Variants in MAPKAP1 observed in about 807,000 individuals in gnomAD.
MAPKAP1 encodes target of rapamycin complex 2 subunit MAPKAP1.
MAPKAP1 carries 20 observed loss-of-function variants against 65.7 expected under a neutral mutation model. The observed-to-expected ratio is 0.30, with a 90% CI of 0.21 to 0.44. The LOEUF (loss-of-function observed/expected upper bound fraction) is 0.44. Among genes scored for constraint, MAPKAP1 ranks in the 20% least tolerant of loss-of-function variants. MAPKAP1 has a pLI of 1.00. For missense variants in MAPKAP1, 423 were observed against 648.0 expected (o/e 0.65, Z 3.77); for synonymous variants, 222 against 244.3 (o/e 0.91, Z 0.85).
intron 1 of MAPKAP1, among the ~76,000 whole-genome samples, chr9:125,694,803 AG>A (rs533004717): frequency 7.9e-4 from 121 of 152,348 alleles, no homozygotes; most frequent in Admixed American, 2.4e-3. Flanking sequence ...TGACTATCTA[AG>A]GAAGTCTAAA....
chr9:125,531,730 C>T (rs575261773), intron 7 of MAPKAP1, among the ~76,000 whole-genome samples: 57 of 152,060 alleles, frequency 3.7e-4, no homozygotes, highest in African/African-American at 1.3e-3. Flanking sequence ...ACCCATATAC[C>T]CATCACCTAG....
chr9:125,657,840 A>G (rs765461962), intron 3 of MAPKAP1, 41 bp from the exon 4 acceptor site: 4 of 1,594,382 alleles, frequency 2.5e-6, no homozygotes, highest in South Asian at 1.1e-5. Flanking sequence ...GTGATTACAC[A>G]GAGACAACTT....
At chr9:125,599,178 G>A (rs1453445576) in intron 4 of MAPKAP1, among the ~76,000 whole-genome samples, 1 of 151,738 alleles carries the variant, frequency 6.6e-6, no homozygotes, top group Non-Finnish European at 1.5e-5. Context: ...AAATATTGCT[G>A]TTCATAGACT....
intron 4 of MAPKAP1, among the ~76,000 whole-genome samples, chr9:125,621,797 A>G (rs147572562): frequency 8.5e-5 from 13 of 152,366 alleles, no homozygotes; most frequent in African/African-American, 2.6e-4. Flanking sequence ...ACTATTTAAT[A>G]ATTTGAACAT....
intron 7 of MAPKAP1, among the ~76,000 whole-genome samples, chr9:125,525,019 C>T (rs1342753249): frequency 1.3e-5 from 2 of 152,238 alleles, no homozygotes; most frequent in Non-Finnish European, 2.9e-5. Flanking sequence ...GCTGCGCAGA[C>T]AGATGCACAC....
chr9:125,439,982 C>T lies in MAPKAP1; in HGVS notation c.1444-970G>A, dbSNP rs1191095187. Among the ~76,000 whole-genome samples, 3 of 152,206 alleles carry T rather than the reference C, an allele frequency of 2.0e-5. No homozygotes were observed. The highest frequency in any genetic ancestry group is 4.4e-5 in the Non-Finnish European group (3 of 68,012). On this transcript the variant is annotated intron_variant, in intron 11 of 11. Coordinates refer to ENST00000265960, the MANE Select transcript of MAPKAP1 (RefSeq NM_001006617.3). The surrounding 1 kb of genome is among the most constrained non-coding windows in gnomAD (Gnocchi z 4.0). ...TACACAGGAGTTTTTGAGTGCGCAA[C>T]GGGGAGGAGAGACGCAGCATGCATC...
At chr9:125,472,730 G>A (rs944263958) in intron 9 of MAPKAP1, among the ~76,000 whole-genome samples, 9 of 152,256 alleles carry the variant, frequency 5.9e-5, no homozygotes, top group African/African-American at 2.2e-4. Context: ...ACCACGAAAA[G>A]TTTTGACTAG....
At chr9:125,543,245 A>G (rs1830308326) in intron 6 of MAPKAP1, 77 bp from the exon 7 acceptor site, 1 of 1,092,152 alleles carries the variant, frequency 9.2e-7, no homozygotes, top group South Asian at 1.3e-5. Context: ...ACTGTGTTTA[A>G]GCAAGTTTTT....
At chr9:125,639,546 C>T (rs965015595) in intron 4 of MAPKAP1, among the ~76,000 whole-genome samples, 3 of 152,164 alleles carry the variant, frequency 2.0e-5, no homozygotes, top group Admixed American at 6.5e-5. Flanking sequence ...CCCTCCGTCC[C>T]ACCTAATACC....
At chr9:125,654,847 C>T (rs955842746) in intron 4 of MAPKAP1, among the ~76,000 whole-genome samples, 3 of 152,156 alleles carry the variant, frequency 2.0e-5, no homozygotes, top group Admixed American at 2.0e-4. Flanking sequence ...AGATCTAACA[C>T]TAGTTTAATC....
chr9:125,492,820 T>C (rs1854783266), intron 8 of MAPKAP1, among the ~76,000 whole-genome samples: 1 of 152,222 alleles, frequency 6.6e-6, no homozygotes, highest in Admixed American at 6.5e-5. Flanking sequence ...GTGGCCTCTG[T>C]TATATCCTCA....
chr9:125,538,848 G>A (rs1318414630), intron 7 of MAPKAP1, among the ~76,000 whole-genome samples: 1 of 152,064 alleles, frequency 6.6e-6, no homozygotes, highest in South Asian at 2.1e-4. Flanking sequence ...GTGAATGTAC[G>A]ACATAGCTAC....
intron 9 of MAPKAP1, among the ~76,000 whole-genome samples, chr9:125,474,651 C>A (rs1233689031): frequency 6.6e-6 from 1 of 152,178 alleles, no homozygotes; most frequent in Non-Finnish European, 1.5e-5. Context: ...TTGGGAGGTA[C>A]AACCTCCCCT....
intron 1 of MAPKAP1, among the ~76,000 whole-genome samples, chr9:125,678,909 A>G (rs899841910): frequency 6.6e-6 from 1 of 152,200 alleles, no homozygotes; most frequent in Non-Finnish European, 1.5e-5. Flanking sequence ...CATAGAAATA[A>G]AAAATCAAAT....
chr9:125,698,296 T>TATATATATATATATATAA (rs1835471406), intron 1 of MAPKAP1, among the ~76,000 whole-genome samples: 1 of 10,064 alleles, frequency 9.9e-5, no homozygotes, highest in Non-Finnish European at 2.0e-4. Flanking sequence ...TAAATATATA[T>TATATATATATATATATAA]ATATATATAT....
At chr9:125,599,371 ATC>A (rs1163714175) in intron 4 of MAPKAP1, among the ~76,000 whole-genome samples, 3 of 152,110 alleles carry the variant, frequency 2.0e-5, no homozygotes, top group Non-Finnish European at 2.9e-5. Context: ...CTGAGGTGCA[ATC>A]TCTCTGCAAG....
chr9:125,477,782 A>G (rs1000771275), intron 9 of MAPKAP1, among the ~76,000 whole-genome samples: 2 of 152,036 alleles, frequency 1.3e-5, no homozygotes, highest in African/African-American at 4.8e-5. Flanking sequence ...ACTTCCCCCT[A>G]CCAGCCCGTT....
At chr9:125,461,146 CT>C (rs1853479331) in intron 10 of MAPKAP1, among the ~76,000 whole-genome samples, 1 of 152,202 alleles carries the variant, frequency 6.6e-6, no homozygotes, top group African/African-American at 2.4e-5. Flanking sequence ...GGAAACCAAA[CT>C]GGGTCAGAGA....
At chr9:125,448,177 G>C (rs960542032) in intron 10 of MAPKAP1, among the ~76,000 whole-genome samples, 8 of 152,186 alleles carry the variant, frequency 5.3e-5, no homozygotes, top group African/African-American at 1.9e-4. Flanking sequence ...AGCTAGACAG[G>C]TGCAGAAAGG....
Sources: allele counts gnomAD v4.1 joint callset (sites outside exome capture counted in the v4.1 genomes callset), GRCh38; gene constraint gnomAD v4.1.1; non-coding constraint Gnocchi (gnomAD v3.1); transcripts MANE v1.5; gene names NCBI Gene and HGNC (gene_info 2026-07-23, HGNC 2026-07-21).